Variants in XKR4 observed in about 807,000 individuals in gnomAD.
XKR4 encodes XK-related protein 4.
A neutral mutation model predicts 53.9 loss-of-function variants in XKR4; 12 were observed. The ratio of observed to expected loss-of-function variants is 0.22; its 90% CI spans 0.14 to 0.36. The LOEUF (loss-of-function observed/expected upper bound fraction) is 0.36. Among genes scored for constraint, XKR4 ranks in the 10% least tolerant of loss-of-function variants. XKR4 has a pLI of 1.00. For missense variants in XKR4, 799 were observed against 859.5 expected, an observed-to-expected ratio of 0.93 and a Z score of 0.88; for synonymous variants, 354 against 362.4, an observed-to-expected ratio of 0.98 and a Z score of 0.26.
chr8:55,257,016 A>G (rs1369804249), intron 1 of XKR4, among the ~76,000 whole-genome samples: 2 of 152,178 alleles, frequency 1.3e-5, no homozygotes, highest in Non-Finnish European at 2.9e-5. Context: ...TTGTAAGGGT[A>G]CTGATCCCAT....
At position 55,102,755 on chromosome 8, in the gene XKR4, C is replaced by A; in HGVS notation, c.267C>A (p.Gly89=). The change falls in exon 1 of 3, where the codon GGC becomes GGA. Residue 89 remains glycine, a synonymous_variant. Coordinates refer to ENST00000327381, the MANE Select transcript of XKR4 (RefSeq NM_052898.2). The surrounding 1 kb of genome is among the most constrained non-coding windows in gnomAD (Gnocchi z 5.1). Reference sequence around the variant, plus strand: ...GCGGCGTCGCCGGCCCGGGCGGCGGCGGGGCGGGCTCGGCTGCGCTGTGCC... The same window carrying A: ...GCGGCGTCGCCGGCCCGGGCGGCGGAGGGGCGGGCTCGGCTGCGCTGTGCC... The part of the protein sequence containing the change: ...GSGGVAGPGG[G]GAGSAALCLR... 1 of 1,267,938 alleles carries A rather than the reference C, an allele frequency of 7.9e-7. No individual in the cohort carries two copies. Among genetic ancestry groups the A allele is most frequent in the Non-Finnish European group, 9.9e-7 (1 of 1,007,754 alleles). The allele number at this position is 1,267,938 out of a possible 1,614,324, so 78.5% of individuals were successfully genotyped here.
chr8:55,284,127 T>C lies in XKR4; in HGVS notation c.807-73551T>C, dbSNP rs74304202. Among the ~76,000 whole-genome samples the C allele has an allele frequency of 9.8e-5, 15 of 152,322 alleles. No homozygotes were observed. The East Asian group carries it at 2.5e-3, about 25-fold the overall frequency. On this transcript the variant is annotated intron_variant, in intron 1 of 2. Coordinates refer to ENST00000327381, the MANE Select transcript of XKR4 (RefSeq NM_052898.2). ...AATAAAGAGAGACACAGAGGCTTGA[T>C]TTATGACGAGATGATGGCCAAGGTG...
intron 1 of XKR4, among the ~76,000 whole-genome samples, chr8:55,177,195 C>T (rs1037893541): frequency 3.3e-5 from 5 of 152,002 alleles, no homozygotes; most frequent in Non-Finnish European, 7.4e-5. Context: ...TGCCACCATA[C>T]CTGGCTAACT....
intron 1 of XKR4, among the ~76,000 whole-genome samples, chr8:55,141,372 C>A (rs893168829): frequency 4.6e-5 from 7 of 152,084 alleles, no homozygotes; most frequent in Non-Finnish European, 8.8e-5. Flanking sequence ...GCTCTGGCAT[C>A]GCTGTGGGCC....
At chr8:55,332,727 C>G (rs1166985745) in intron 1 of XKR4, among the ~76,000 whole-genome samples, 1 of 151,926 alleles carries the variant, frequency 6.6e-6, no homozygotes, top group Non-Finnish European at 1.5e-5. Context: ...AGTTGGAGTT[C>G]ATTCAGCTGT....
Position 55,370,640 on chromosome 8 carries a change from G to T in XKR4, c.1006+12763G>T, listed in dbSNP as rs183488624. ...TAGGAGCAGCAGCCCCTACATAGGA[G>T]AGTTGTGATTTTTTTCTTTGTCTTT... On this transcript the variant is annotated intron_variant, in intron 2 of 2. Coordinates refer to ENST00000327381, the MANE Select transcript of XKR4 (RefSeq NM_052898.2). Among the ~76,000 whole-genome samples, 549 of 152,278 alleles carry T rather than the reference G, an allele frequency of 3.6e-3. 3 individuals are homozygous for T. The highest frequency in any genetic ancestry group is 0.017 in the Middle Eastern group (5 of 294).
chr8:55,216,920 A>T (rs1585945345), intron 1 of XKR4, among the ~76,000 whole-genome samples: 1 of 152,264 alleles, frequency 6.6e-6, no homozygotes, highest in East Asian at 1.9e-4. Flanking sequence ...TTTGACAAAA[A>T]ATACTGAAAA....
intron 2 of XKR4, among the ~76,000 whole-genome samples, chr8:55,512,858 G>T (rs72649514): frequency 0.12 from 18,548 of 152,086 alleles, 1,251 homozygotes; most frequent in South Asian, 0.15. Context: ...TGTTCTTTCT[G>T]CCTTCCTCTC....
chr8:55,368,208 G>A (rs530967956), intron 2 of XKR4, among the ~76,000 whole-genome samples: 25 of 152,178 alleles, frequency 1.6e-4, no homozygotes, highest in Admixed American at 9.2e-4. Flanking sequence ...TGATCCACCC[G>A]CCTCCCAAAG....
intron 1 of XKR4, among the ~76,000 whole-genome samples, chr8:55,117,561 C>T (rs1816327967): frequency 6.6e-6 from 1 of 152,132 alleles, no homozygotes; most frequent in South Asian, 2.1e-4. Context: ...TCTGTTAAAC[C>T]ATCCGATCTT....
chr8:55,175,833 T>G (rs1482290512), intron 1 of XKR4, among the ~76,000 whole-genome samples: 2 of 152,144 alleles, frequency 1.3e-5, no homozygotes. Context: ...AAAATAATCA[T>G]GTATCCACTA....
chr8:55,402,043 A>T (rs530333712), intron 2 of XKR4, among the ~76,000 whole-genome samples: 2 of 152,256 alleles, frequency 1.3e-5, no homozygotes, highest in Non-Finnish European at 2.9e-5. Context: ...TCTGGCTAAT[A>T]ATAGATGATT....
chr8:55,178,005 T>C (rs756364755), intron 1 of XKR4, among the ~76,000 whole-genome samples: 1 of 152,196 alleles, frequency 6.6e-6, no homozygotes, highest in Non-Finnish European at 1.5e-5. Context: ...ATTTATATTA[T>C]TAAGGATTGA....
chr8:55,210,990 AG>A (rs1266075182), intron 1 of XKR4, among the ~76,000 whole-genome samples: 1 of 152,200 alleles, frequency 6.6e-6, no homozygotes, highest in African/African-American at 2.4e-5. Context: ...TGTCTGGGCA[AG>A]TATCCTGTGT....
intron 2 of XKR4, among the ~76,000 whole-genome samples, chr8:55,522,343 A>G (rs1806809698): frequency 6.6e-6 from 1 of 152,248 alleles, no homozygotes; most frequent in South Asian, 2.1e-4. Flanking sequence ...GAGATGGAAG[A>G]CAGGGAACGG....
intron 2 of XKR4, among the ~76,000 whole-genome samples, chr8:55,425,948 C>T (rs75921148): frequency 0.017 from 2,657 of 152,290 alleles, 51 homozygotes; most frequent in East Asian, 0.066. Flanking sequence ...CAGTCTAGCA[C>T]GGGGGCTCTC....
intron 2 of XKR4, among the ~76,000 whole-genome samples, chr8:55,506,134 A>T (rs555688604): frequency 6.6e-6 from 1 of 152,330 alleles, no homozygotes; most frequent in Admixed American, 6.5e-5. Flanking sequence ...ATCCTTTCAG[A>T]GGTTTTTTGT....
intron 2 of XKR4, chr8:55,453,189 G>C (rs989334137): frequency 4.4e-5 from 22 of 500,200 alleles, no homozygotes; most frequent in South Asian, 3.2e-4. Flanking sequence ...AGCTGTAAGA[G>C]AACTACCTTA....
In XKR4 at chr8:55,194,560, C is replaced by T. The variant is rs574293500; in HGVS notation, c.806+91266C>T. On this transcript the variant is annotated intron_variant, in intron 1 of 2. Transcript: ENST00000327381. ...GGTCTTCAAACAGGTATAAATATACCGTTGGAAAAAAATGATGGCTCTCAA... is the reference window on the plus strand; with the variant it reads ...GGTCTTCAAACAGGTATAAATATACTGTTGGAAAAAAATGATGGCTCTCAA... Among the ~76,000 whole-genome samples, 15 of 152,270 alleles carry T rather than the reference C, an allele frequency of 9.9e-5. No individual in the cohort carries two copies. In the South Asian group the frequency reaches 2.7e-3, roughly 27 times the overall value.
Sources: gnomAD v4.1 joint callset for allele counts (sites outside exome capture counted in the v4.1 genomes callset) on GRCh38, gnomAD v4.1.1 for gene constraint, Gnocchi (gnomAD v3.1) non-coding constraint, MANE v1.5 for transcripts, NCBI Gene and HGNC (gene_info 2026-07-23, HGNC 2026-07-21) for gene names.